SCHIP1: variants seen among roughly 807,000 people sequenced by gnomAD.
SCHIP1 encodes the protein schwannomin-interacting protein 1.
In SCHIP1, 8 loss-of-function variants were observed where a neutral mutation model predicts 29.7. The observed-to-expected ratio is 0.27, with a 90% CI of 0.16 to 0.49. The LOEUF is 0.49. Ranked by LOEUF, SCHIP1 falls within the 20% of genes least tolerant of loss-of-function variation. SCHIP1 has a pLI of 0.99. For missense variants in SCHIP1, 193 were observed against 294.6 expected (o/e 0.66, Z 2.52); for synonymous variants, 76 against 94.9 (o/e 0.80, Z 1.16).
the SCHIP1 span, among the ~76,000 whole-genome samples, chr3:159,573,612 T>C: frequency 1.3e-5 from 2 of 152,174 alleles, no homozygotes; most frequent in East Asian, 3.9e-4. Context: ...TCGAGGAATA[T>C]CTTTGTGGCA....
the SCHIP1 span, among the ~76,000 whole-genome samples, chr3:159,660,282 T>C: frequency 6.6e-6 from 1 of 152,128 alleles, no homozygotes; most frequent in African/African-American, 2.4e-5. Flanking sequence ...ATGATGTCTG[T>C]GAGTAGGCCA....
At chr3:159,602,045 C>A in the SCHIP1 span, among the ~76,000 whole-genome samples, 33 of 152,304 alleles carry the variant, frequency 2.2e-4, no homozygotes, top group African/African-American at 7.9e-4. Context: ...ATAGGGTTTC[C>A]AAATTGCCAC....
the SCHIP1 span, among the ~76,000 whole-genome samples, chr3:159,810,585 G>T: frequency 9.5e-4 from 145 of 152,136 alleles, no homozygotes; most frequent in Non-Finnish European, 1.6e-3. Flanking sequence ...TTTACATCTG[G>T]CTTCTTTCAC....
the SCHIP1 span, among the ~76,000 whole-genome samples, chr3:159,593,737 T>C: frequency 7.2e-5 from 11 of 152,202 alleles, no homozygotes; most frequent in Non-Finnish European, 1.3e-4. Context: ...GGGGACCATG[T>C]TTGGAATGCT....
chr3:159,558,043 A>C, the SCHIP1 span, among the ~76,000 whole-genome samples: 25 of 152,326 alleles, frequency 1.6e-4, no homozygotes, highest in East Asian at 4.3e-3. Flanking sequence ...AACAATGTTG[A>C]GCCTAAATGG....
the SCHIP1 span, among the ~76,000 whole-genome samples, chr3:159,802,818 C>T: frequency 6.6e-6 from 1 of 152,202 alleles, no homozygotes; most frequent in African/African-American, 2.4e-5. Flanking sequence ...GCTTATTTCT[C>T]ATGCATGTAA....
the SCHIP1 span, among the ~76,000 whole-genome samples, chr3:159,526,871 C>T: frequency 5.9e-5 from 9 of 152,344 alleles, no homozygotes; most frequent in South Asian, 1.7e-3. Context: ...AGCACTGCTG[C>T]TCAGTGTAGA....
chr3:159,341,859 G>A, the SCHIP1 span, among the ~76,000 whole-genome samples: 14 of 152,092 alleles, frequency 9.2e-5, 1 homozygote, highest in East Asian at 2.1e-3. Context: ...GATTCCATTA[G>A]TTTCACCTAA....
At chr3:159,694,540 GAAAGAAAGAA>G in the SCHIP1 span, among the ~76,000 whole-genome samples, 1 of 4,848 alleles carries the variant, frequency 2.1e-4, no homozygotes, top group African/African-American at 4.7e-4. Flanking sequence ...GAAAAGACAA[GAAAGAAAGAA>G]AGAAAGAAAG....
the SCHIP1 span, among the ~76,000 whole-genome samples, chr3:159,726,952 A>AT: frequency 6.6e-6 from 1 of 152,186 alleles, no homozygotes; most frequent in Non-Finnish European, 1.5e-5. Flanking sequence ...TGTAACCTGT[A>AT]TAAGTGGCAA....
At chr3:159,318,913 C>G in the SCHIP1 span, among the ~76,000 whole-genome samples, 1 of 152,092 alleles carries the variant, frequency 6.6e-6, no homozygotes, top group Admixed American at 6.6e-5. Flanking sequence ...AGCCCAGTAA[C>G]AGGCCATGAG....
chr3:159,535,174 A>C, the SCHIP1 span, among the ~76,000 whole-genome samples: 193 of 152,308 alleles, frequency 1.3e-3, no homozygotes, highest in African/African-American at 4.5e-3. Context: ...TGAGGTAAAC[A>C]AAATTGCATA....
At chr3:159,299,839 C>G in the SCHIP1 span, among the ~76,000 whole-genome samples, 3 of 152,298 alleles carry the variant, frequency 2.0e-5, no homozygotes, top group East Asian at 3.9e-4. Flanking sequence ...GTCCCACACA[C>G]TGGATCTCAA....
the SCHIP1 span, among the ~76,000 whole-genome samples, chr3:159,422,842 C>A: frequency 6.6e-6 from 1 of 152,128 alleles, no homozygotes; most frequent in Admixed American, 6.5e-5. Context: ...CTTGTCTTTT[C>A]AACACTCATT....
the SCHIP1 span, among the ~76,000 whole-genome samples, chr3:159,720,609 G>A: frequency 6.6e-6 from 1 of 151,832 alleles, no homozygotes. Flanking sequence ...TTTTGAGGCA[G>A]AGTGTTACTC....
At chr3:159,525,315 G>T in the SCHIP1 span, among the ~76,000 whole-genome samples, 1 of 152,092 alleles carries the variant, frequency 6.6e-6, no homozygotes, top group Admixed American at 6.6e-5. Context: ...AGATTTTGTC[G>T]ATTTTGTTCA....
At chr3:159,399,306 T>C in the SCHIP1 span, among the ~76,000 whole-genome samples, 1 of 152,180 alleles carries the variant, frequency 6.6e-6, no homozygotes, top group African/African-American at 2.4e-5. Flanking sequence ...CTTTATTTCA[T>C]AGTTCTTATC....
At chr3:159,365,398 C>T in the SCHIP1 span, among the ~76,000 whole-genome samples, 24,488 of 151,972 alleles carry the variant, frequency 0.16, 2,250 homozygotes, top group Middle Eastern at 0.29. Context: ...TGTGTATCAC[C>T]GCTAAGTGTC....
At chr3:159,722,704 G>A in the SCHIP1 span, among the ~76,000 whole-genome samples, 27 of 152,184 alleles carry the variant, frequency 1.8e-4, no homozygotes, top group South Asian at 1.0e-3. Flanking sequence ...ATATTGTCTC[G>A]TTAAATTGTT....
Sources: allele counts gnomAD v4.1 joint callset (sites outside exome capture counted in the v4.1 genomes callset), GRCh38; gene constraint gnomAD v4.1.1; transcripts MANE v1.5; gene names NCBI Gene and HGNC (gene_info 2026-07-23, HGNC 2026-07-21).